Variants in PDILT observed in about 807,000 individuals in gnomAD.
PDILT encodes the protein protein disulfide-isomerase-like protein of the testis.
PDILT carries 43 observed loss-of-function variants against 53.7 expected under a neutral mutation model. That is an observed-to-expected ratio of 0.80 (90% CI 0.63 to 1.03). PDILT has a LOEUF of 1.03. Among genes scored for constraint, PDILT ranks in the 50% least tolerant of loss-of-function variants. The pLI is 0.00. For synonymous variants in PDILT, 282 were observed against 274.2 expected (o/e 1.03, Z -0.28); for missense variants, 727 against 712.3 (o/e 1.02, Z -0.24).
At position 20,376,215 on chromosome 16, in the gene PDILT, C is replaced by T. The variant is rs1415645571; in HGVS notation, c.410-14G>A. Reference sequence around the variant, plus strand: ...ATTCAACCACTCCTGGAGAAAGACACAGTCAAATAGATACCAGAGAAGTTT... The same window carrying T: ...ATTCAACCACTCCTGGAGAAAGACATAGTCAAATAGATACCAGAGAAGTTT... On this transcript the variant is annotated splice_polypyrimidine_tract_variant and intron_variant, in intron 3 of 11. Transcript: ENST00000302451. 2.5e-6 allele frequency: 4 copies of T among 1,613,764 alleles called. No individual in the cohort carries two copies. The African/African-American group carries it at 5.3e-5, about 22-fold the overall frequency.
intron 3 of PDILT, among the ~76,000 whole-genome samples, chr16:20,380,313 ATTTTC>A (rs1488622268): frequency 1.3e-5 from 2 of 150,732 alleles, no homozygotes; most frequent in African/African-American, 2.4e-5. Context: ...GACCTGTTCT[ATTTTC>A]TTTTCTTTTA....
rs533923685 is a variant in PDILT at position 20,379,321 on chromosome 16, G to C, written c.410-3120C>G. On this transcript the variant is annotated intron_variant, in intron 3 of 11. Coordinates refer to ENST00000302451, the MANE Select transcript of PDILT (RefSeq NM_174924.2). ...CCCGAATAGCTGGGACTACAGGCAC[G>C]TGCCACCACACCCCACTAATTTTTT... Among the ~76,000 whole-genome samples the C allele has an allele frequency of 5.8e-4, 89 of 152,154 alleles. 2 individuals carry two copies. The highest frequency in any genetic ancestry group is 2.0e-3 in the African/African-American group (84 of 41,496).
rs1230354869 is a variant in PDILT, at chr16:20,394,278, GGT to G, written c.202+4819_202+4820del. Among the ~76,000 whole-genome samples, 4 of 152,150 alleles carry G rather than the reference GGT, an allele frequency of 2.6e-5. No homozygotes were observed. In the East Asian group the frequency reaches 7.7e-4, roughly 29 times the overall value. Reference sequence around the variant, plus strand: ...TCCTACCCAGAAGAGAACTCTTTCTGGTGGTTCACTGTCTGAAAGAGCTTATT... The same window carrying G: ...TCCTACCCAGAAGAGAACTCTTTCTGGGTTCACTGTCTGAAAGAGCTTATT... On this transcript the variant is annotated intron_variant, in intron 2 of 11. Coordinates refer to ENST00000302451, the MANE Select transcript of PDILT (RefSeq NM_174924.2).
chr16:20,372,659 A>G, intron 7 of PDILT, 143 bp downstream of exon 7: 3 of 937,422 alleles, frequency 3.2e-6, no homozygotes, highest in Non-Finnish European at 4.8e-6. Flanking sequence ...TTGACATGCA[A>G]ATCAGAAAAC....
chr16:20,363,679 A>G (rs1409604916), intron 9 of PDILT, among the ~76,000 whole-genome samples: 2 of 151,816 alleles, frequency 1.3e-5, no homozygotes, highest in Admixed American at 1.3e-4. Context: ...AACATAACAT[A>G]TAGATATTAT....
intron 3 of PDILT, among the ~76,000 whole-genome samples, chr16:20,381,597 C>A (rs2141607458): frequency 6.8e-6 from 1 of 147,302 alleles, no homozygotes; most frequent in South Asian, 2.2e-4. Flanking sequence ...GATCGCACCA[C>A]TGCACTCCAG....
At chr16:20,400,661 G>T (rs1009768494) in intron 1 of PDILT, among the ~76,000 whole-genome samples, 5 of 151,950 alleles carry the variant, frequency 3.3e-5, no homozygotes, top group African/African-American at 4.8e-5. Context: ...ATGGTACAAG[G>T]TACCCCCAAG....
chr16:20,390,259 A>C (rs528705805), intron 2 of PDILT, among the ~76,000 whole-genome samples: 1 of 152,180 alleles, frequency 6.6e-6, no homozygotes, highest in East Asian at 1.9e-4. Flanking sequence ...TTAAGTTTTT[A>C]AAAGATCTGT....
At chr16:20,377,883 G>A (rs1966408442) in intron 3 of PDILT, among the ~76,000 whole-genome samples, 1 of 152,142 alleles carries the variant, frequency 6.6e-6, no homozygotes, top group Non-Finnish European at 1.5e-5. Flanking sequence ...GAACCCAGGA[G>A]GTGGAGGTTG....
Position 20,367,603 on chromosome 16 carries a change from A to G in PDILT, c.1116+1889T>C, listed in dbSNP as rs116890270. On this transcript the variant is annotated intron_variant, in intron 8 of 11. Transcript: ENST00000302451. The stretch of plus-strand genomic sequence containing the variant: ...CGGACACCACCTCAGATCTAACTGC[A>G]AGGAAGAGAGAGAGGATAGGTAGGA... 7.0e-3 allele frequency among the ~76,000 whole-genome samples: 1,071 copies of G among 152,300 alleles called. 8 individuals carry two copies. The highest frequency in any genetic ancestry group is 9.6e-3 in the Non-Finnish European group (656 of 68,026).
chr16:20,365,037 G>A (rs1966169396), intron 9 of PDILT, among the ~76,000 whole-genome samples: 3 of 152,218 alleles, frequency 2.0e-5, no homozygotes, highest in Admixed American at 2.0e-4. Flanking sequence ...CATCTGCAAA[G>A]TCTGAGCAAT....
At chr16:20,365,890 G>C (rs540744001) in intron 8 of PDILT, among the ~76,000 whole-genome samples, 539 of 152,114 alleles carry the variant, frequency 3.5e-3, no homozygotes, top group Non-Finnish European at 6.7e-3. Flanking sequence ...AGACCAGCCT[G>C]GCCAACATGG....
chr16:20,377,467 A>G (rs1966403495), intron 3 of PDILT, among the ~76,000 whole-genome samples: 1 of 152,308 alleles, frequency 6.6e-6, no homozygotes, highest in East Asian at 1.9e-4. Flanking sequence ...AGAAACAAAC[A>G]CATTACCACC....
chr16:20,377,154 G>A (rs948847810), intron 3 of PDILT, among the ~76,000 whole-genome samples: 16 of 152,138 alleles, frequency 1.1e-4, no homozygotes, highest in Non-Finnish European at 1.8e-4. Context: ...CAGGCATGGT[G>A]GCATGTGTCT....
chr16:20,383,885 G>C (rs1205547238), intron 3 of PDILT, among the ~76,000 whole-genome samples: 1 of 152,182 alleles, frequency 6.6e-6, no homozygotes, highest in Non-Finnish European at 1.5e-5. Context: ...ACTACCATAT[G>C]TGCCATACTA....
chr16:20,402,777 CA>C (rs1339319906), intron 1 of PDILT, among the ~76,000 whole-genome samples: 1 of 152,244 alleles, frequency 6.6e-6, no homozygotes, highest in Non-Finnish European at 1.5e-5. Context: ...CTCAGCTCTG[CA>C]GCATCCCAGG....
intron 2 of PDILT, among the ~76,000 whole-genome samples, chr16:20,392,826 T>C (rs975046073): frequency 6.6e-6 from 1 of 152,174 alleles, no homozygotes; most frequent in East Asian, 1.9e-4. Context: ...AGCCTCAGAT[T>C]TAGTGTCAGT....
Position 20,384,710 on chromosome 16 carries a change from A to C in PDILT, c.344T>G (p.Ile115Ser). ...CAGCTTCAACTCCGGGGCCTTGGTA[A>C]TCCCAAACTCCTGCTGAAGCTCCTT... ...IEKELQQEFG[I>S]TKAPELKLFF... Residue 115 changes from isoleucine to serine, a missense_variant, in exon 3 of 12, where the codon ATT (isoleucine) becomes AGT (serine). Transcript: ENST00000302451. The C allele has an allele frequency of 6.2e-7, 1 of 1,614,132 alleles. No homozygotes were observed. The highest frequency in any genetic ancestry group is 8.5e-7 in the Non-Finnish European group (1 of 1,180,018).
chr16:20,371,238 A>C (rs373864813), intron 7 of PDILT, among the ~76,000 whole-genome samples: 2 of 152,176 alleles, frequency 1.3e-5, no homozygotes, highest in South Asian at 2.1e-4. Context: ...TTTAGTCTGA[A>C]TATAATAGTG....
Sources: allele counts gnomAD v4.1 joint callset (sites outside exome capture counted in the v4.1 genomes callset), GRCh38; gene constraint gnomAD v4.1.1; transcripts MANE v1.5; gene names NCBI Gene and HGNC (gene_info 2026-07-23, HGNC 2026-07-21).